The following MYO1B variants were observed in gnomAD, a reference collection of about 807,000 sequenced individuals.
MYO1B encodes the protein myosin IB, also known as unconventional myosin-Ib.
MYO1B carries 72 observed loss-of-function variants against 159.7 expected under a neutral mutation model. That is an observed-to-expected ratio of 0.45 (90% CI 0.37 to 0.55). MYO1B has a LOEUF of 0.55. MYO1B is among the 20% of genes least tolerant of loss of function. The pLI is 0.00. For synonymous variants in MYO1B, 468 were observed against 473.8 expected, an observed-to-expected ratio of 0.99 and a Z score of 0.16; for missense variants, 1,062 against 1,364.8, an observed-to-expected ratio of 0.78 and a Z score of 3.50.
At chr2:191,376,265 T>G (rs1207410758) in intron 13 of MYO1B, among the ~76,000 whole-genome samples, 1 of 152,216 alleles carries the variant, frequency 6.6e-6, no homozygotes, top group Non-Finnish European at 1.5e-5. Flanking sequence ...TATTTCATAT[T>G]AAATGGTTTT....
chr2:191,368,833 G>A (rs975982042), intron 11 of MYO1B, among the ~76,000 whole-genome samples: 7 of 152,016 alleles, frequency 4.6e-5, no homozygotes, highest in Admixed American at 6.6e-5. Flanking sequence ...AATTAGCCAC[G>A]CGTGGTGGCA....
chr2:191,300,420 T>G (rs1006363386), intron 3 of MYO1B, among the ~76,000 whole-genome samples: 4 of 151,222 alleles, frequency 2.6e-5, no homozygotes, highest in Admixed American at 6.6e-5. Context: ...CTCGGCTCAC[T>G]GCAACCTCCA....
At chr2:191,362,112 T>C (rs1299986190) in intron 8 of MYO1B, among the ~76,000 whole-genome samples, 156 bp from the exon 9 acceptor site, 4 of 152,196 alleles carry the variant, frequency 2.6e-5, no homozygotes, top group African/African-American at 4.8e-5. Context: ...TTAAGAATAA[T>C]GCTGTTACTG....
intron 3 of MYO1B, among the ~76,000 whole-genome samples, chr2:191,313,510 G>A (rs1371026352): frequency 6.6e-6 from 1 of 152,198 alleles, no homozygotes; most frequent in African/African-American, 2.4e-5. Context: ...TCAGCCTCCT[G>A]AGTAGCTGGG....
At position 191,370,291 on chromosome 2, in the gene MYO1B, A is replaced by T. The variant is rs755076042; in HGVS notation, c.1184A>T (p.Glu395Val). 1.2e-6 allele frequency: 2 copies of T among 1,612,566 alleles called. No individual in the cohort carries two copies. The highest frequency in any genetic ancestry group is 3.3e-5 in the Admixed American group (2 of 59,928). ...VLDIYGFEIF[E>V]DNSFEQFIIN... The stretch of plus-strand genomic sequence containing the variant: ...GACATTTATGGCTTTGAGATTTTCG[A>T]GGTAAGATTTAAAATTTTTTTTGTA... Residue 395 changes from glutamate (E) to valine (V), a missense_variant and splice_region_variant, in exon 13 of 31, where the codon GAG becomes GTG. Transcript: ENST00000392318.
chr2:191,320,414 G>A (rs1389862095), intron 3 of MYO1B, among the ~76,000 whole-genome samples: 1 of 152,024 alleles, frequency 6.6e-6, no homozygotes, highest in Non-Finnish European at 1.5e-5. Flanking sequence ...TATTAACAAG[G>A]AAGACTCTTA....
intron 3 of MYO1B, among the ~76,000 whole-genome samples, chr2:191,298,985 C>A (rs1689148267): frequency 6.6e-6 from 1 of 152,130 alleles, no homozygotes. Flanking sequence ...ACAAACCCTC[C>A]AGGATAATCT....
chr2:191,280,037 C>G (rs907964151), intron 2 of MYO1B, among the ~76,000 whole-genome samples: 5 of 152,118 alleles, frequency 3.3e-5, no homozygotes, highest in Non-Finnish European at 7.4e-5. Context: ...CTCCTCTTCT[C>G]CTCCCTCCCC....
chr2:191,383,505 TATATACACGTACACACACACACACACAC>T (rs1695204045), intron 15 of MYO1B, among the ~76,000 whole-genome samples, 163 bp downstream of exon 15: 1 of 114,878 alleles, frequency 8.7e-6, no homozygotes, highest in African/African-American at 4.0e-5. Context: ...TATATATATA[TATATACACGTACACACACACACACACAC>T]ACACACACAC....
chr2:191,412,648 A>G (rs1336443433), intron 27 of MYO1B, among the ~76,000 whole-genome samples: 1 of 152,206 alleles, frequency 6.6e-6, no homozygotes, highest in Non-Finnish European at 1.5e-5. Flanking sequence ...CCCACAACAT[A>G]AGCATTTAAA....
chr2:191,251,859 A>G (rs1686141054), intron 1 of MYO1B, among the ~76,000 whole-genome samples: 2 of 152,318 alleles, frequency 1.3e-5, no homozygotes, highest in South Asian at 4.1e-4. Context: ...CCCAAAATAC[A>G]CAAAGAATCT....
intron 3 of MYO1B, among the ~76,000 whole-genome samples, chr2:191,308,996 G>C (rs1282835605): frequency 6.6e-6 from 1 of 152,090 alleles, no homozygotes; most frequent in East Asian, 1.9e-4. Flanking sequence ...TTTTTCCTCT[G>C]TAGGCATTAT....
intron 7 of MYO1B, among the ~76,000 whole-genome samples, chr2:191,350,636 T>C (rs939129651): frequency 6.6e-6 from 1 of 152,092 alleles, no homozygotes; most frequent in African/African-American, 2.4e-5. Flanking sequence ...GTAATATTTA[T>C]TCAATAAAAG....
intron 8 of MYO1B, among the ~76,000 whole-genome samples, chr2:191,361,646 C>T (rs538042812): frequency 1.3e-5 from 2 of 151,314 alleles, no homozygotes; most frequent in South Asian, 2.1e-4. Context: ...GAAGTATCTA[C>T]ATATATTAGC....
At chr2:191,292,998 ATAGT>A (rs1334085142) in intron 2 of MYO1B, among the ~76,000 whole-genome samples, 3 of 152,160 alleles carry the variant, frequency 2.0e-5, no homozygotes, top group East Asian at 1.9e-4. Context: ...CTCATGTCTA[ATAGT>A]TAGTGTAGCA....
At chr2:191,276,862 T>C in intron 1 of MYO1B, 25 bp from the exon 2 acceptor site, 1 of 1,577,172 alleles carries the variant, frequency 6.3e-7, no homozygotes, top group Non-Finnish European at 8.6e-7. Context: ...TCGTTTAAAT[T>C]GACCCCTTTC....
chr2:191,383,494 G>GTATA (rs372620525), intron 15 of MYO1B, 152 bp downstream of exon 15: 1,863 of 65,664 alleles, frequency 0.028, 66 homozygotes, highest in African/African-American at 0.078. Context: ...ATATATATGT[G>GTATA]TATATATATA....
intron 1 of MYO1B, among the ~76,000 whole-genome samples, chr2:191,260,253 G>GATTTTTTTTTTTTTTTTTTTTTTTTTTT (rs1256549425): frequency 4.4e-5 from 1 of 22,616 alleles, no homozygotes. Context: ...TCCCAGATAG[G>GATTTTTTTTTTTTTTTTTTTTTTTTTTT]CTTTTTTTTT....
In MYO1B at chr2:191,362,353, A is replaced by C; in HGVS notation, c.747A>C (p.Ala249=). 6.2e-7 allele frequency: 1 copy of C among 1,613,820 alleles called. No individual in the cohort carries two copies. Among genetic ancestry groups the C allele is most frequent in the Non-Finnish European group, 8.5e-7 (1 of 1,179,762 alleles). ...AAGTGAATGGAGTGGATGATGCAGC[A>C]AATTTTAGAACCGTGCGGGTAAGAT... The part of the protein sequence containing the change: ...SAKVNGVDDA[A]NFRTVRNAMQ... The change falls in exon 9 of 31, where the codon GCA becomes GCC. Residue 249 remains alanine (A), a synonymous_variant. Transcript: ENST00000392318.
Sources: gnomAD v4.1 joint callset for allele counts (sites outside exome capture counted in the v4.1 genomes callset) on GRCh38, gnomAD v4.1.1 for gene constraint, MANE v1.5 for transcripts, NCBI Gene and HGNC (gene_info 2026-07-23, HGNC 2026-07-21) for gene names.